Variants in KIAA1328 observed in about 807,000 individuals in gnomAD.
KIAA1328 encodes protein hinderin.
KIAA1328 carries 52 observed loss-of-function variants against 68.1 expected under a neutral mutation model. The ratio of observed to expected loss-of-function variants is 0.76; its 90% CI spans 0.61 to 0.96. KIAA1328 has a LOEUF of 0.96. Among genes scored for constraint, KIAA1328 ranks in the 40% least tolerant of loss-of-function variants. KIAA1328 has a pLI of 0.00. For missense variants in KIAA1328, 641 were observed against 677.6 expected, an observed-to-expected ratio of 0.95 and a Z score of 0.60; for synonymous variants, 232 against 239.4, an observed-to-expected ratio of 0.97 and a Z score of 0.28.
chr18:36,831,057 C>T (rs534648421), intron 1 of KIAA1328, among the ~76,000 whole-genome samples: 12 of 152,310 alleles, frequency 7.9e-5, no homozygotes, highest in African/African-American at 2.2e-4. Flanking sequence ...GATTTAGTTA[C>T]ATGTCTTTGC....
At chr18:36,990,845 A>AT (rs2053148978) in intron 6 of KIAA1328, among the ~76,000 whole-genome samples, 1 of 152,132 alleles carries the variant, frequency 6.6e-6, no homozygotes, top group African/African-American at 2.4e-5. Context: ...TAAATGGTAG[A>AT]TTTTGAATTA....
chr18:37,181,448 A>C (rs528559315), intron 9 of KIAA1328, among the ~76,000 whole-genome samples: 1 of 152,216 alleles, frequency 6.6e-6, no homozygotes, highest in South Asian at 2.1e-4. Flanking sequence ...TAGGTGTTTG[A>C]TGAAAAGATA....
At chr18:37,015,390 G>A (rs1475143640) in intron 6 of KIAA1328, among the ~76,000 whole-genome samples, 1 of 152,086 alleles carries the variant, frequency 6.6e-6, no homozygotes, top group Non-Finnish European at 1.5e-5. Context: ...GTGCTGTTTT[G>A]GTTACTATAT....
At chr18:36,966,988 G>C (rs1327878334) in intron 6 of KIAA1328, among the ~76,000 whole-genome samples, 2 of 152,206 alleles carry the variant, frequency 1.3e-5, no homozygotes, top group Non-Finnish European at 1.5e-5. Flanking sequence ...GAGAAGAGTA[G>C]AGGGTTACTC....
downstream of KIAA1328, among the ~76,000 whole-genome samples, chr18:37,227,269 G>A (rs754778294): frequency 7.6e-4 from 116 of 152,238 alleles, no homozygotes; most frequent in East Asian, 1.9e-4. Flanking sequence ...TAGAAGCTAC[G>A]GCAAGTTATT....
chr18:36,910,263 T>C (rs2049385926), intron 5 of KIAA1328, among the ~76,000 whole-genome samples: 1 of 152,118 alleles, frequency 6.6e-6, no homozygotes, highest in African/African-American at 2.4e-5. Flanking sequence ...AGGTCTAACA[T>C]TTAAGTCTTT....
intron 4 of KIAA1328, among the ~76,000 whole-genome samples, chr18:36,870,087 C>A (rs923880050): frequency 6.6e-6 from 1 of 152,116 alleles, no homozygotes; most frequent in Admixed American, 6.5e-5. Context: ...TGGTCTCGAT[C>A]TCTTTACCTC....
chr18:37,203,849 G>A (rs900155600), intron 9 of KIAA1328, among the ~76,000 whole-genome samples: 4 of 149,054 alleles, frequency 2.7e-5, no homozygotes, highest in Admixed American at 1.3e-4. Flanking sequence ...TCGCTCTGTC[G>A]CCCAGGCTGG....
At chr18:36,913,529 G>C (rs1204731265) in intron 5 of KIAA1328, among the ~76,000 whole-genome samples, 2 of 73,730 alleles carry the variant, frequency 2.7e-5, no homozygotes, top group Non-Finnish European at 5.8e-5. Context: ...CACACTTAGA[G>C]GAAAGCAACT....
At chr18:37,172,892 T>C in intron 8 of KIAA1328, 81 bp from the exon 9 acceptor site, 1 of 993,996 alleles carries the variant, frequency 1.0e-6, no homozygotes, top group Non-Finnish European at 1.5e-6. Flanking sequence ...ATTCCTATAA[T>C]GTCTTATAAA....
intron 6 of KIAA1328, among the ~76,000 whole-genome samples, chr18:36,981,632 G>A (rs1355672744): frequency 2.0e-5 from 3 of 152,104 alleles, no homozygotes; most frequent in Non-Finnish European, 2.9e-5. Context: ...AGTCACCCAG[G>A]CTGAAGTGCA....
In KIAA1328 at chr18:37,168,612, A is replaced by C. The variant is rs943546363; in HGVS notation, c.1415-4361A>C. ...TTAAGCAAAGGAAGTCTCAAAAATA[A>C]TATACATATTTCTAAAGTTCAAAAG... On this transcript the variant is annotated intron_variant, in intron 8 of 9. Coordinates refer to ENST00000280020, the MANE Select transcript of KIAA1328 (RefSeq NM_020776.3). 2.0e-5 allele frequency among the ~76,000 whole-genome samples: 3 copies of C among 152,262 alleles called. No homozygotes were observed. In the East Asian group the frequency reaches 5.8e-4, roughly 29 times the overall value.
chr18:37,121,140 C>G (rs1051703883), intron 7 of KIAA1328, among the ~76,000 whole-genome samples: 1 of 152,086 alleles, frequency 6.6e-6, no homozygotes, highest in African/African-American at 2.4e-5. Flanking sequence ...TATAGTCCAA[C>G]TGTCTCATTT....
chr18:37,187,825 C>T (rs2154216845), intron 9 of KIAA1328, among the ~76,000 whole-genome samples: 1 of 152,266 alleles, frequency 6.6e-6, no homozygotes, highest in Middle Eastern at 3.4e-3. Context: ...AGGGCTGTCT[C>T]TTTCCAATGT....
At chr18:37,101,199 T>G (rs1346904898) in intron 7 of KIAA1328, among the ~76,000 whole-genome samples, 1 of 152,100 alleles carries the variant, frequency 6.6e-6, no homozygotes, top group African/African-American at 2.4e-5. Flanking sequence ...GAAGAAGGCT[T>G]CAGACGATCA....
At chr18:36,893,272 CTTAT>C (rs1015080672) in intron 5 of KIAA1328, among the ~76,000 whole-genome samples, 1 of 151,662 alleles carries the variant, frequency 6.6e-6, no homozygotes, top group Non-Finnish European at 1.5e-5. Context: ...CTCTTTCTTT[CTTAT>C]TTATTTATTT....
downstream of KIAA1328, chr18:37,229,492 C>T: frequency 8.6e-7 from 1 of 1,156,746 alleles, no homozygotes; most frequent in Non-Finnish European, 1.1e-6. Flanking sequence ...ATCAACTAGT[C>T]AGAAATAGAA....
intron 7 of KIAA1328, among the ~76,000 whole-genome samples, chr18:37,159,886 A>G (rs2059240264): frequency 6.6e-6 from 1 of 152,162 alleles, no homozygotes. Context: ...CTGTTTTAGC[A>G]TACTTTTTAT....
intron 6 of KIAA1328, among the ~76,000 whole-genome samples, chr18:37,038,461 A>G (rs1197252867): frequency 6.6e-6 from 1 of 151,914 alleles, no homozygotes; most frequent in East Asian, 1.9e-4. Context: ...TTATTTTCAG[A>G]TTGTTTATAA....
Sources: allele counts gnomAD v4.1 joint callset (sites outside exome capture counted in the v4.1 genomes callset), GRCh38; gene constraint gnomAD v4.1.1; transcripts MANE v1.5; gene names NCBI Gene and HGNC (gene_info 2026-07-23, HGNC 2026-07-21).